Variants in IGDCC4 observed in about 807,000 individuals in gnomAD.
The protein encoded by IGDCC4 is likely ortholog of mouse neighbor of Punc E11.
A neutral mutation model predicts 116.6 loss-of-function variants in IGDCC4; 72 were observed. The ratio of observed to expected loss-of-function variants is 0.62; its 90% confidence interval spans 0.51 to 0.75. IGDCC4 has a LOEUF of 0.75. Ranked by LOEUF, IGDCC4 falls within the 30% of genes least tolerant of loss-of-function variation. The probability of loss-of-function intolerance (pLI) is 0.00; values close to 1 mark genes in which losing one functional copy is unlikely to be tolerated. For synonymous variants in IGDCC4, 709 were observed against 719.9 expected (o/e 0.98, Z 0.24); for missense variants, 1,501 against 1,662.4 (o/e 0.90, Z 1.69).
At chr15:65,385,293 G>A (rs1464291371) in intron 18 of IGDCC4, among the ~76,000 whole-genome samples, 178 bp from the exon 19 acceptor site, 3 of 152,176 alleles carry the variant, frequency 2.0e-5, no homozygotes, top group Non-Finnish European at 4.4e-5. Flanking sequence ...AGTCAGCGGG[G>A]TAATCTGAGG....
At chr15:65,392,104 C>A in intron 11 of IGDCC4, 30 bp downstream of exon 11, 2 of 1,506,430 alleles carry the variant, frequency 1.3e-6, no homozygotes, top group South Asian at 1.2e-5. Context: ...AGCTACATCC[C>A]TCCCTCCCCC....
intron 1 of IGDCC4, among the ~76,000 whole-genome samples, chr15:65,415,290 TTGAACAAACAATG>T (rs2063132380): frequency 6.6e-6 from 1 of 152,188 alleles, no homozygotes; most frequent in Middle Eastern, 3.2e-3. Context: ...CCCTGCTGCG[TTGAACAAACAATG>T]TGAACAGTTG....
At chr15:65,394,379 TA>T in intron 9 of IGDCC4, 31 bp downstream of exon 9, 1 of 1,611,578 alleles carries the variant, frequency 6.2e-7, no homozygotes, top group Non-Finnish European at 8.5e-7. Flanking sequence ...ATCATTCCCA[TA>T]CATGCCTGCA....
At chr15:65,404,427 G>A (rs532918831) in intron 3 of IGDCC4, among the ~76,000 whole-genome samples, 9 of 152,202 alleles carry the variant, frequency 5.9e-5, no homozygotes, top group Admixed American at 2.0e-4. Flanking sequence ...ACGAATTGGG[G>A]AAGGACAAGT....
At chr15:65,421,356 G>A (rs978794303) in intron 1 of IGDCC4, among the ~76,000 whole-genome samples, 1 of 152,184 alleles carries the variant, frequency 6.6e-6, no homozygotes, top group African/African-American at 2.4e-5. Flanking sequence ...CCTGAGCTCT[G>A]GGAAGACAGA....
intron 3 of IGDCC4, among the ~76,000 whole-genome samples, chr15:65,406,850 G>C (rs2063045133): frequency 6.6e-6 from 1 of 152,148 alleles, no homozygotes. Flanking sequence ...GGCTTCACGG[G>C]ATGACGCCTG....
At chr15:65,396,540 T>A in intron 6 of IGDCC4, 1 of 565,040 alleles carries the variant, frequency 1.8e-6, no homozygotes, top group South Asian at 2.0e-5. Flanking sequence ...TTAGTACCAC[T>A]CAGATCACTC....
Position 65,393,720 on chromosome 15 carries a change from C to G in IGDCC4, c.1715-189G>C, listed in dbSNP as rs1190247076. ...CCAGGGTTGACGCTTGAGCCTCCAACTCTGGCTGATGCAGGCCATCAGCCT... is the reference window on the plus strand; with the variant it reads ...CCAGGGTTGACGCTTGAGCCTCCAAGTCTGGCTGATGCAGGCCATCAGCCT... On this transcript the variant is annotated intron_variant, in intron 9 of 19. Transcript: ENST00000352385. This position sits in a 1 kb window ranked among gnomAD's most constrained non-coding sequence, Gnocchi z 4.6. 6.6e-6 allele frequency among the ~76,000 whole-genome samples: 1 copy of G among 152,238 alleles called. No individual in the cohort carries two copies. Among genetic ancestry groups the G allele is most frequent in the Non-Finnish European group, 1.5e-5 (1 of 68,048 alleles).
intron 13 of IGDCC4, 109 bp from the exon 14 acceptor site, chr15:65,389,520 G>A (rs1409618351): frequency 6.7e-7 from 1 of 1,494,868 alleles, no homozygotes; most frequent in African/African-American, 1.4e-5. Flanking sequence ...GCTCTACCCT[G>A]GGAAGGGAAG....
intron 18 of IGDCC4, 57 bp from the exon 19 acceptor site, chr15:65,385,172 G>A: frequency 6.7e-7 from 1 of 1,499,486 alleles, no homozygotes; most frequent in Non-Finnish European, 8.8e-7. Flanking sequence ...GCTGGGAGAG[G>A]GAAGCCCGGG....
chr15:65,406,325 G>A (rs1407162343), intron 3 of IGDCC4, among the ~76,000 whole-genome samples: 1 of 152,240 alleles, frequency 6.6e-6, no homozygotes, highest in Non-Finnish European at 1.5e-5. Flanking sequence ...TGAAGTGGTT[G>A]TGTAAATGGT....
At chr15:65,396,471 T>C in intron 6 of IGDCC4, 1 of 553,780 alleles carries the variant, frequency 1.8e-6, no homozygotes. Flanking sequence ...CCCATCTCCT[T>C]CCTCCCTGCC....
At chr15:65,410,904 A>G in intron 2 of IGDCC4, 116 bp downstream of exon 2, 1 of 756,596 alleles carries the variant, frequency 1.3e-6, no homozygotes, top group South Asian at 1.9e-5. Context: ...GAGGCAGGGA[A>G]AGGGGGAGTG....
rs2091402859 is a variant in IGDCC4, at chr15:65,381,712, C to T, written c.*2297G>A. ...TAATTGAGACTCAGAAAACTTAAGGCATCAATGGTAGGTGACAAAGGGATT... is the reference window on the plus strand; with the variant it reads ...TAATTGAGACTCAGAAAACTTAAGGTATCAATGGTAGGTGACAAAGGGATT... On this transcript the variant is annotated 3_prime_UTR_variant, in exon 20 of 20. Coordinates refer to ENST00000352385, the MANE Select transcript of IGDCC4 (RefSeq NM_020962.3). 6.6e-6 allele frequency: 1 copy of T among 152,302 alleles called. No homozygotes were observed. The highest frequency in any genetic ancestry group is 6.5e-5 in the Admixed American group (1 of 15,286). 9.4% of individuals were successfully genotyped at this position (152,302 alleles called of 1,614,324 possible). A position where few individuals can be genotyped will look rare whatever the true frequency, so the allele number is the denominator to read the frequency against.
intron 12 of IGDCC4, among the ~76,000 whole-genome samples, chr15:65,391,250 A>G (rs995574550): frequency 6.6e-6 from 1 of 152,050 alleles, no homozygotes; most frequent in African/African-American, 2.4e-5. Context: ...AAAAGAACCC[A>G]AGCTTCATGG....
rs1199006244 is a variant in IGDCC4 at position 65,402,350 on chromosome 15, C to T, written c.700+1G>A. ...TTTCCCCACCCAGCCAGCCCCCTTA[C>T]CTCTGTGGGCCACACTGAGTAGGGC... On this transcript the variant is annotated splice_donor_variant, in intron 4 of 19. Coordinates refer to ENST00000352385, the MANE Select transcript of IGDCC4 (RefSeq NM_020962.3). LOFTEE classifies it high-confidence loss of function. 2 of 1,565,244 alleles carry T rather than the reference C, an allele frequency of 1.3e-6. No homozygotes were observed. Among genetic ancestry groups the T allele is most frequent in the Admixed American group, 1.9e-5 (1 of 53,346 alleles).
In IGDCC4 at chr15:65,386,073, C is replaced by A. The variant is rs1233294376; in HGVS notation, c.2952-14G>T. 25 of 1,464,346 alleles carry A rather than the reference C, an allele frequency of 1.7e-5. No homozygotes were observed. Among genetic ancestry groups the A allele is most frequent in the Non-Finnish European group, 2.2e-5 (24 of 1,099,768 alleles). The allele number at this position is 1,464,346 out of a possible 1,614,324, so 90.7% of individuals were successfully genotyped here. On this transcript the variant is annotated splice_polypyrimidine_tract_variant and intron_variant, in intron 17 of 19. Coordinates refer to ENST00000352385, the MANE Select transcript of IGDCC4 (RefSeq NM_020962.3). ...GGGAGGGATTCCCTGGAAGGGAAGACGGAAAACAAGGCATAGCGGTCAGAG... is the reference window on the plus strand; with the variant it reads ...GGGAGGGATTCCCTGGAAGGGAAGAAGGAAAACAAGGCATAGCGGTCAGAG...
intron 1 of IGDCC4, among the ~76,000 whole-genome samples, chr15:65,420,527 G>T (rs1386307056): frequency 6.6e-6 from 1 of 152,128 alleles, no homozygotes. Context: ...GGACTCTCAG[G>T]CCAGAAACCT....
rs2140219616 is a variant in IGDCC4 at position 65,402,472 on chromosome 15, G to A, written c.579C>T (p.Pro193=). The change falls in exon 4 of 20, where the codon CCC becomes CCT. Residue 193 remains proline (P), a synonymous_variant. Coordinates refer to ENST00000352385, the MANE Select transcript of IGDCC4 (RefSeq NM_020962.3). ...LPEEPRLIVL[P]NGVLQILDVQ... Reference sequence around the variant, plus strand: ...CATCCAGGATCTGAAGGACGCCGTTGGGAAGCACGATGAGCCTTGGGAAGA... The same window carrying A: ...CATCCAGGATCTGAAGGACGCCGTTAGGAAGCACGATGAGCCTTGGGAAGA... 6.4e-7 allele frequency: 1 copy of A among 1,567,368 alleles called. No individual in the cohort carries two copies. Among genetic ancestry groups the A allele is most frequent in the East Asian group, 2.3e-5 (1 of 43,048 alleles).
Sources: allele counts gnomAD v4.1 joint callset (sites outside exome capture counted in the v4.1 genomes callset), GRCh38; gene constraint gnomAD v4.1.1; non-coding constraint Gnocchi (gnomAD v3.1); transcripts MANE v1.5; gene names NCBI Gene and HGNC (gene_info 2026-07-23, HGNC 2026-07-21).